The following SETBP1 variants were observed in gnomAD, a reference collection of about 807,000 sequenced individuals.
The protein encoded by SETBP1 is SET-binding protein.
In SETBP1, 9 loss-of-function variants were observed where a neutral mutation model predicts 101.0. The observed-to-expected ratio is 0.09, with a 90% CI of 0.05 to 0.16. The LOEUF (loss-of-function observed/expected upper bound fraction) is 0.16. SETBP1 is among the 10% of genes least tolerant of loss of function. The pLI, the probability that SETBP1 is intolerant of heterozygous loss-of-function variation, is 1.00. For missense variants in SETBP1, 1,858 were observed against 2,033.8 expected, an observed-to-expected ratio of 0.91 and a Z score of 1.66; for synonymous variants, 818 against 788.5, an observed-to-expected ratio of 1.04 and a Z score of -0.63.
chr18:45,021,183 A>G (rs1395721701), intron 4 of SETBP1, among the ~76,000 whole-genome samples: 2 of 152,258 alleles, frequency 1.3e-5, no homozygotes, highest in South Asian at 2.1e-4. Context: ...AGTGGTATCT[A>G]TAACTTACTG....
chr18:44,942,448 G>T (rs963931836), intron 3 of SETBP1, among the ~76,000 whole-genome samples: 5 of 152,048 alleles, frequency 3.3e-5, no homozygotes, highest in Admixed American at 6.5e-5. Flanking sequence ...CCTTTCTCAG[G>T]TATCCTAACC....
At chr18:44,884,418 G>T (rs558439022) in intron 3 of SETBP1, among the ~76,000 whole-genome samples, 1 of 152,226 alleles carries the variant, frequency 6.6e-6, no homozygotes, top group African/African-American at 2.4e-5. Context: ...TATCCCATAT[G>T]TCCTCTCTAT....
intron 2 of SETBP1, among the ~76,000 whole-genome samples, chr18:44,710,669 C>T (rs944729778): frequency 1.3e-5 from 2 of 152,076 alleles, no homozygotes; most frequent in African/African-American, 4.8e-5. Context: ...CCAGGCTGGG[C>T]TCGAACTCCT....
At chr18:44,771,969 C>T (rs912600580) in intron 2 of SETBP1, among the ~76,000 whole-genome samples, 9 of 152,170 alleles carry the variant, frequency 5.9e-5, no homozygotes, top group African/African-American at 2.2e-4. Context: ...TTAATAAAAC[C>T]TCTTGATACC....
At chr18:44,836,484 C>T (rs548781379) in intron 2 of SETBP1, among the ~76,000 whole-genome samples, 5 of 152,242 alleles carry the variant, frequency 3.3e-5, no homozygotes, top group African/African-American at 9.6e-5. Flanking sequence ...GGGGCCTCTC[C>T]ACTCCACTCC....
intron 1 of SETBP1, among the ~76,000 whole-genome samples, chr18:44,683,725 G>C (rs2068794583): frequency 6.6e-6 from 1 of 152,194 alleles, no homozygotes; most frequent in South Asian, 2.1e-4. Flanking sequence ...GGACCTCCCA[G>C]AATGCCAGTT....
intron 2 of SETBP1, among the ~76,000 whole-genome samples, chr18:44,835,441 G>GA (rs1199903422): frequency 2.0e-5 from 3 of 152,028 alleles, no homozygotes; most frequent in African/African-American, 7.3e-5. Flanking sequence ...TCTCTCTCCA[G>GA]ATAAAAGCCC....
At chr18:44,740,919 T>C (rs1170923277) in intron 2 of SETBP1, among the ~76,000 whole-genome samples, 1 of 152,260 alleles carries the variant, frequency 6.6e-6, no homozygotes, top group Admixed American at 6.5e-5. Context: ...TAAATTTGAA[T>C]GTACATCTTG....
intron 4 of SETBP1, among the ~76,000 whole-genome samples, chr18:45,022,813 G>C (rs2073096613): frequency 6.6e-6 from 1 of 152,206 alleles, no homozygotes; most frequent in South Asian, 2.1e-4. Context: ...CTGGGCAACA[G>C]AGCGAGACTC....
chr18:44,692,325 C>T (rs1182518345), intron 1 of SETBP1, among the ~76,000 whole-genome samples: 1 of 152,236 alleles, frequency 6.6e-6, no homozygotes, highest in Admixed American at 6.5e-5. Context: ...AGGATTATTA[C>T]CCCATTTCCA....
chr18:44,794,767 A>G (rs904639981), intron 2 of SETBP1, among the ~76,000 whole-genome samples: 2 of 152,194 alleles, frequency 1.3e-5, no homozygotes, highest in African/African-American at 4.8e-5. Flanking sequence ...AGGCTCTTCA[A>G]TAAATGGTAT....
At chr18:44,857,725 C>A (rs748248445) in intron 2 of SETBP1, among the ~76,000 whole-genome samples, 54 of 152,132 alleles carry the variant, frequency 3.5e-4, no homozygotes, top group Non-Finnish European at 7.3e-4. Flanking sequence ...GCCAGAAATT[C>A]TGGACAGGTT....
chr18:44,867,071 T>C (rs1181239828), intron 2 of SETBP1, among the ~76,000 whole-genome samples: 2 of 152,218 alleles, frequency 1.3e-5, no homozygotes, highest in Non-Finnish European at 2.9e-5. Context: ...CCCAAATACA[T>C]GTACTAGCTG....
At chr18:44,792,233 A>G (rs2071385673) in intron 2 of SETBP1, among the ~76,000 whole-genome samples, 1 of 152,188 alleles carries the variant, frequency 6.6e-6, no homozygotes, top group African/African-American at 2.4e-5. Context: ...ACGCAAATAC[A>G]GTGTCATGCT....
chr18:44,879,590 A>G (rs2069484215), intron 3 of SETBP1, among the ~76,000 whole-genome samples: 1 of 152,286 alleles, frequency 6.6e-6, no homozygotes, highest in East Asian at 1.9e-4. Context: ...GGATTGTCCA[A>G]CAGAAAAAAC....
chr18:44,760,017 G>A (rs2070603172), intron 2 of SETBP1, among the ~76,000 whole-genome samples: 1 of 152,144 alleles, frequency 6.6e-6, no homozygotes, highest in South Asian at 2.1e-4. Flanking sequence ...GGAGAACCTG[G>A]GCTCCTTCTC....
At position 45,063,934 on chromosome 18, in the gene SETBP1, G is replaced by T. The variant is rs569729699; in HGVS notation, c.*236G>T. ...TGAGCTTCACCGCAGCTCCCACCAC[G>T]CGGCGCTTCAGTACGGCTGGATCCT... On this transcript the variant is annotated 3_prime_UTR_variant, in exon 6 of 6. Transcript: ENST00000649279. 17 of 480,348 alleles carry T rather than the reference G, an allele frequency of 3.5e-5. No individual in the cohort carries two copies. Among genetic ancestry groups the T allele is most frequent in the African/African-American group, 2.8e-4 (14 of 49,902 alleles). The allele number at this position is 480,348 out of a possible 1,614,324, so 29.8% of individuals were successfully genotyped here.
chr18:44,844,353 GCACA>G lies in SETBP1; in HGVS notation c.487-24861_487-24858del, dbSNP rs35801562. Among the ~76,000 whole-genome samples the G allele has an allele frequency of 4.7e-3, 644 of 138,260 alleles. 2 individuals carry two copies. The highest frequency in any genetic ancestry group is 0.015 in the African/African-American group (553 of 35,944). 90.7% of individuals were successfully genotyped at this position (138,260 alleles called of 152,430 possible). ...CACACACACACGTGCACACACGCGC[GCACA>G]CACACACACACACACTATTAAAACC... On this transcript the variant is annotated intron_variant, in intron 2 of 5. Transcript: ENST00000649279.
chr18:44,856,892 T>C (rs1299971820), intron 2 of SETBP1, among the ~76,000 whole-genome samples: 2 of 152,348 alleles, frequency 1.3e-5, no homozygotes, highest in East Asian at 3.9e-4. Flanking sequence ...TCTTCTTTCC[T>C]GGAGCCACCC....
Sources: gnomAD v4.1 joint callset for allele counts (sites outside exome capture counted in the v4.1 genomes callset) on GRCh38, gnomAD v4.1.1 for gene constraint, MANE v1.5 for transcripts, NCBI Gene and HGNC (gene_info 2026-07-23, HGNC 2026-07-21) for gene names.